Variants in GRID2 observed in about 807,000 individuals in gnomAD.
GRID2 encodes glutamate receptor ionotropic, delta-2.
Under a neutral mutation model 114.8 loss-of-function variants are expected in GRID2, and 33 were observed. The ratio of observed to expected loss-of-function variants is 0.29; its 90% confidence interval spans 0.22 to 0.38. GRID2 has a LOEUF of 0.38. Among genes scored for constraint, GRID2 ranks in the 10% least tolerant of loss-of-function variants. GRID2 has a pLI of 1.00. For synonymous variants in GRID2, 505 were observed against 449.9 expected (o/e 1.12, Z -1.55); for missense variants, 1,184 against 1,257.7 (o/e 0.94, Z 0.89).
chr4:92,371,336 C>T (rs757245313), intron 1 of GRID2, among the ~76,000 whole-genome samples: 7 of 152,124 alleles, frequency 4.6e-5, no homozygotes, highest in Non-Finnish European at 7.4e-5. Flanking sequence ...GTGGTACTTC[C>T]ATTGCTAGAG....
chr4:92,749,559 C>T (rs1737338246), intron 2 of GRID2, among the ~76,000 whole-genome samples: 2 of 152,036 alleles, frequency 1.3e-5, no homozygotes, highest in Admixed American at 6.6e-5. Flanking sequence ...GTGATCCGCC[C>T]GCCTCGGCCT....
chr4:92,337,769 G>A lies in GRID2; in HGVS notation c.88+33025G>A, dbSNP rs188986148. Among the ~76,000 whole-genome samples the A allele has an allele frequency of 2.0e-5, 3 of 152,250 alleles. No individual in the cohort carries two copies. In the East Asian group the frequency reaches 5.8e-4, roughly 29 times the overall value. ...GGATTAAATTGCCCAAGGAGATTTG[G>A]GTGGGGACACAAAGCCTAACCTTAT... On this transcript the variant is annotated intron_variant, in intron 1 of 15. Coordinates refer to ENST00000282020, the MANE Select transcript of GRID2 (RefSeq NM_001510.4).
At chr4:92,837,615 T>C (rs1453347817) in intron 2 of GRID2, among the ~76,000 whole-genome samples, 1 of 152,124 alleles carries the variant, frequency 6.6e-6, no homozygotes, top group East Asian at 1.9e-4. Flanking sequence ...AAAATGTTTT[T>C]GGTGTTCAGA....
intron 14 of GRID2, among the ~76,000 whole-genome samples, chr4:93,730,968 C>T (rs1001183552): frequency 7.2e-5 from 11 of 152,250 alleles, no homozygotes; most frequent in Non-Finnish European, 1.6e-4. Context: ...ACACCAAGCC[C>T]GGCGTGGGGA....
At chr4:92,632,698 AAAGGGAAGG>A (rs1730866954) in intron 2 of GRID2, among the ~76,000 whole-genome samples, 2 of 151,686 alleles carry the variant, frequency 1.3e-5, no homozygotes, top group African/African-American at 2.4e-5. Context: ...AGAAGTGAAG[AAAGGGAAGG>A]AAGGGAAGGA....
At chr4:92,902,328 C>G (rs1747639681) in intron 2 of GRID2, among the ~76,000 whole-genome samples, 1 of 151,898 alleles carries the variant, frequency 6.6e-6, no homozygotes, top group African/African-American at 2.4e-5. Context: ...TTTGAATCTT[C>G]TCTCATTGTT....
chr4:92,316,821 A>G (rs1726008002), intron 1 of GRID2, among the ~76,000 whole-genome samples: 2 of 152,226 alleles, frequency 1.3e-5, no homozygotes, highest in African/African-American at 4.8e-5. Flanking sequence ...AGGTTATCAC[A>G]TACAAATGGT....
chr4:93,079,639 A>T (rs1729671741), intron 2 of GRID2, among the ~76,000 whole-genome samples: 2 of 152,052 alleles, frequency 1.3e-5, no homozygotes, highest in African/African-American at 4.8e-5. Flanking sequence ...ACTGAGTCAG[A>T]ATTTTCTTAC....
At chr4:92,787,193 T>A (rs978192061) in intron 2 of GRID2, among the ~76,000 whole-genome samples, 1 of 151,914 alleles carries the variant, frequency 6.6e-6, no homozygotes, top group East Asian at 1.9e-4. Context: ...TAAGTTACTT[T>A]GATAAACATA....
At chr4:93,111,355 C>G (rs569673415) in intron 4 of GRID2, among the ~76,000 whole-genome samples, 3 of 152,110 alleles carry the variant, frequency 2.0e-5, no homozygotes, top group Non-Finnish European at 4.4e-5. Flanking sequence ...ACATTATTGC[C>G]TAAACATGAT....
chr4:93,051,126 T>G (rs1726669294), intron 2 of GRID2, among the ~76,000 whole-genome samples: 1 of 152,042 alleles, frequency 6.6e-6, no homozygotes, highest in South Asian at 2.1e-4. Context: ...GCATGTGTAA[T>G]GACCATTGCT....
chr4:92,743,832 A>G (rs553661218), intron 2 of GRID2, among the ~76,000 whole-genome samples: 1 of 152,300 alleles, frequency 6.6e-6, no homozygotes, highest in East Asian at 1.9e-4. Flanking sequence ...CCTTCTCTTT[A>G]AAAAAGTCTC....
At chr4:93,753,273 C>T (rs985272616) in intron 14 of GRID2, among the ~76,000 whole-genome samples, 17 of 152,196 alleles carry the variant, frequency 1.1e-4, no homozygotes, top group African/African-American at 3.6e-4. Context: ...GTCCACTCTT[C>T]TCTTTCTTCC....
chr4:93,491,605 A>G (rs1339982021), intron 12 of GRID2, among the ~76,000 whole-genome samples: 1 of 151,902 alleles, frequency 6.6e-6, no homozygotes, highest in East Asian at 1.9e-4. Flanking sequence ...ATTCATCCCC[A>G]AACAAGGTAA....
intron 13 of GRID2, among the ~76,000 whole-genome samples, chr4:93,544,102 A>G (rs1578226289): frequency 1.3e-5 from 2 of 152,196 alleles, no homozygotes; most frequent in East Asian, 3.8e-4. Flanking sequence ...GAAATTGGAT[A>G]TAGATTGCCT....
intron 1 of GRID2, among the ~76,000 whole-genome samples, chr4:92,321,837 A>G (rs1454457280): frequency 6.6e-6 from 1 of 152,164 alleles, no homozygotes; most frequent in Non-Finnish European, 1.5e-5. Context: ...TGTCAGGCTT[A>G]TATGTTCAAA....
At chr4:92,838,780 T>C (rs936142164) in intron 2 of GRID2, 9 of 152,020 alleles carry the variant, frequency 5.9e-5, no homozygotes, top group African/African-American at 1.9e-4. Flanking sequence ...CTGGAAGAAA[T>C]ACCTGCTCAA....
At chr4:92,673,274 A>G (rs889147518) in intron 2 of GRID2, among the ~76,000 whole-genome samples, 13 of 152,180 alleles carry the variant, frequency 8.5e-5, no homozygotes, top group African/African-American at 2.9e-4. Context: ...CACATCATCT[A>G]TGCTATAAGA....
At chr4:92,402,387 G>C (rs1030660578) in intron 1 of GRID2, among the ~76,000 whole-genome samples, 4 of 152,086 alleles carry the variant, frequency 2.6e-5, no homozygotes, top group African/African-American at 9.7e-5. Flanking sequence ...TCCATCAGAG[G>C]AACCACTACT....
Sources: gnomAD v4.1 joint callset for allele counts (sites outside exome capture counted in the v4.1 genomes callset) on GRCh38, gnomAD v4.1.1 for gene constraint, MANE v1.5 for transcripts, NCBI Gene and HGNC (gene_info 2026-07-23, HGNC 2026-07-21) for gene names.